RABGAP1L: variants seen among roughly 807,000 people sequenced by gnomAD.
RABGAP1L encodes the protein rab GTPase-activating protein 1-like.
A neutral mutation model predicts 137.7 loss-of-function variants in RABGAP1L; 63 were observed. That is an observed-to-expected ratio of 0.46 (90% confidence interval 0.37 to 0.56). The LOEUF (loss-of-function observed/expected upper bound fraction) is 0.56. RABGAP1L is among the 20% of genes least tolerant of loss of function. RABGAP1L has a pLI of 0.00. For missense variants in RABGAP1L, 1,095 were observed against 1,244.0 expected, an observed-to-expected ratio of 0.88 and a Z score of 1.80; for synonymous variants, 431 against 433.7, an observed-to-expected ratio of 0.99 and a Z score of 0.08.
rs1171437559 is a variant in RABGAP1L at position 174,327,980 on chromosome 1, C to CATATATATATAT, written c.1465+22854_1465+22855insTATATATATATA. Reference sequence around the variant, plus strand: ...AAATATATATATATATATATATATACACACACATATATATATATATATATA... The same window carrying CATATATATATAT: ...AAATATATATATATATATATATATACATATATATATATACACACATATATATATATATATATA... On this transcript the variant is annotated intron_variant, in intron 11 of 25. Transcript: ENST00000681986. 2.9e-3 allele frequency among the ~76,000 whole-genome samples: 309 copies of CATATATATATAT among 105,904 alleles called. 6 individuals carry two copies. The highest frequency in any genetic ancestry group is 0.012 in the African/African-American group (292 of 24,270). 69.5% of individuals were successfully genotyped at this position (105,904 alleles called of 152,430 possible).
chr1:174,625,716 A>T (rs1336009435), intron 13 of RABGAP1L, among the ~76,000 whole-genome samples: 6 of 152,252 alleles, frequency 3.9e-5, no homozygotes, highest in African/African-American at 1.4e-4. Flanking sequence ...ATTACTAAAA[A>T]TTATTCAGCT....
chr1:174,736,921 C>T (rs949716675), intron 17 of RABGAP1L, among the ~76,000 whole-genome samples: 6 of 152,196 alleles, frequency 3.9e-5, no homozygotes, highest in Non-Finnish European at 7.4e-5. Flanking sequence ...GGGCCCCGGG[C>T]CTGGCCCCTG....
At chr1:174,259,192 A>C (rs1024429292) in intron 7 of RABGAP1L, among the ~76,000 whole-genome samples, 5 of 152,054 alleles carry the variant, frequency 3.3e-5, no homozygotes, top group African/African-American at 1.2e-4. Flanking sequence ...TGCAAATTAT[A>C]CTGCAGTTGT....
chr1:174,393,511 T>G (rs1647424340), intron 12 of RABGAP1L, among the ~76,000 whole-genome samples: 1 of 152,182 alleles, frequency 6.6e-6, no homozygotes, highest in African/African-American at 2.4e-5. Context: ...TCTTTGGCAC[T>G]TGGCCCAGCT....
chr1:174,834,137 A>T (rs1692472641), intron 19 of RABGAP1L, among the ~76,000 whole-genome samples: 1 of 152,178 alleles, frequency 6.6e-6, no homozygotes, highest in Non-Finnish European at 1.5e-5. Context: ...ATATAGAAGT[A>T]AATTCTAGGC....
intron 13 of RABGAP1L, among the ~76,000 whole-genome samples, chr1:174,483,608 G>A (rs1455473355): frequency 1.3e-5 from 2 of 152,056 alleles, no homozygotes; most frequent in Non-Finnish European, 2.9e-5. Flanking sequence ...TTGGGAGGCT[G>A]AGGTGGTCAG....
At chr1:174,614,815 C>G (rs1250969937) in intron 13 of RABGAP1L, among the ~76,000 whole-genome samples, 1 of 152,200 alleles carries the variant, frequency 6.6e-6, no homozygotes, top group Non-Finnish European at 1.5e-5. Flanking sequence ...CTTCTTGCTT[C>G]ATTTCATTCA....
intron 10 of RABGAP1L, among the ~76,000 whole-genome samples, chr1:174,302,062 C>G (rs1346143040): frequency 6.6e-6 from 1 of 152,148 alleles, no homozygotes; most frequent in East Asian, 1.9e-4. Context: ...AAAGACTTTT[C>G]AAAGGATCAG....
At chr1:174,259,694 T>C (rs1673416764) in intron 7 of RABGAP1L, among the ~76,000 whole-genome samples, 1 of 152,230 alleles carries the variant, frequency 6.6e-6, no homozygotes, top group South Asian at 2.1e-4. Context: ...ATTACCCATG[T>C]TGGATATCAC....
intron 13 of RABGAP1L, among the ~76,000 whole-genome samples, chr1:174,488,138 A>G (rs891302523): frequency 2.0e-5 from 3 of 151,770 alleles, no homozygotes; most frequent in Non-Finnish European, 2.9e-5. Context: ...TTGTACTTTC[A>G]GTTTATTTCT....
At chr1:174,675,989 G>T (rs977623772) in intron 14 of RABGAP1L, among the ~76,000 whole-genome samples, 2 of 150,924 alleles carry the variant, frequency 1.3e-5, no homozygotes, top group Non-Finnish European at 3.0e-5. Context: ...TTTTTTTTTT[G>T]AAGTAAAAGA....
intron 4 of RABGAP1L, among the ~76,000 whole-genome samples, chr1:174,234,585 G>A (rs1260355202): frequency 2.7e-5 from 4 of 150,682 alleles, no homozygotes; most frequent in South Asian, 4.2e-4. Flanking sequence ...GTAGGTATGC[G>A]GCATTATTTC....
chr1:174,623,075 G>GTT (rs1290001006), intron 13 of RABGAP1L, among the ~76,000 whole-genome samples: 1 of 152,148 alleles, frequency 6.6e-6, no homozygotes, highest in Admixed American at 6.6e-5. Flanking sequence ...TGAACAAGTG[G>GTT]TAAAATGGTC....
intron 20 of RABGAP1L, among the ~76,000 whole-genome samples, chr1:174,963,348 G>A (rs1229440823): frequency 6.6e-6 from 1 of 152,066 alleles, no homozygotes; most frequent in Non-Finnish European, 1.5e-5. Flanking sequence ...TGGTGAAGAT[G>A]CAAAACTAAA....
chr1:174,943,020 T>A lies in RABGAP1L; in HGVS notation c.2341-14437T>A, dbSNP rs535068612. ...ACACAATAGCTCTTTGCTAACTATT[T>A]GGGGAAACTATGAACCTCTGTGAGG... is the stretch of plus-strand genomic sequence containing the variant. On this transcript the variant is annotated intron_variant, in intron 19 of 25. Coordinates refer to ENST00000681986, the MANE Select transcript of RABGAP1L (RefSeq NM_001366446.1). Among the ~76,000 whole-genome samples, 4 of 152,188 alleles carry A rather than the reference T, an allele frequency of 2.6e-5. 1 individual carries two copies. The highest frequency in any genetic ancestry group is 9.7e-5 in the African/African-American group (4 of 41,442).
chr1:174,632,563 C>T (rs925318424), intron 13 of RABGAP1L, among the ~76,000 whole-genome samples: 14 of 150,318 alleles, frequency 9.3e-5, no homozygotes, highest in East Asian at 1.9e-4. Context: ...TTCACATAGT[C>T]GCATATTTCT....
intron 11 of RABGAP1L, among the ~76,000 whole-genome samples, chr1:174,339,872 G>T (rs1377457390): frequency 6.6e-6 from 1 of 152,110 alleles, no homozygotes; most frequent in Non-Finnish European, 1.5e-5. Flanking sequence ...CTCCCAAAGT[G>T]CTGGAATTAC....
chr1:174,188,168 G>T (rs1666946991), intron 1 of RABGAP1L, among the ~76,000 whole-genome samples: 2 of 152,170 alleles, frequency 1.3e-5, no homozygotes, highest in African/African-American at 2.4e-5. Context: ...TTGATTATGG[G>T]TGAGGAAATT....
intron 10 of RABGAP1L, among the ~76,000 whole-genome samples, chr1:174,302,963 A>C (rs1359646702): frequency 6.6e-6 from 1 of 152,200 alleles, no homozygotes; most frequent in Non-Finnish European, 1.5e-5. Flanking sequence ...TAACTATTCT[A>C]ACTGCAGAAA....
Sources: gnomAD v4.1 joint callset for allele counts (sites outside exome capture counted in the v4.1 genomes callset) on GRCh38, gnomAD v4.1.1 for gene constraint, MANE v1.5 for transcripts, NCBI Gene and HGNC (gene_info 2026-07-23, HGNC 2026-07-21) for gene names.